The following PROM1 variants were observed in gnomAD, a reference collection of about 807,000 sequenced individuals.
PROM1 encodes the protein prominin 1.
Under a neutral mutation model 116.9 loss-of-function variants are expected in PROM1, and 105 were observed. The observed-to-expected ratio is 0.90, with a 90% confidence interval of 0.77 to 1.06. The LOEUF is 1.06. PROM1 is among the 50% of genes least tolerant of loss of function. The pLI, the probability that PROM1 is intolerant of heterozygous loss-of-function variation, is 0.00. For missense variants in PROM1, 1,122 were observed against 1,045.2 expected, an observed-to-expected ratio of 1.07 and a Z score of -1.01; for synonymous variants, 393 against 387.0, an observed-to-expected ratio of 1.02 and a Z score of -0.18.
In PROM1 at chr4:15,980,543, A is replaced by G. The variant is rs6449209; in HGVS notation, c.2374-6T>C. The stretch of plus-strand genomic sequence containing the variant: ...ATGCCAAACCAAAACAAATTCTAGG[A>G]AAAAAAAATCAGAAGAATTAAATGT... On this transcript the variant is annotated splice_region_variant and splice_polypyrimidine_tract_variant and intron_variant, in intron 23 of 27. Transcript: ENST00000447510. 0.39 allele frequency: 562,463 copies of G among 1,437,758 alleles called. 112,320 individuals carry two copies. The highest frequency in any genetic ancestry group is 0.42 in the Non-Finnish European group (442,161 of 1,063,810). The allele number at this position is 1,437,758 out of a possible 1,614,324, so 89.1% of individuals were successfully genotyped here. A position where few individuals can be genotyped will look rare whatever the true frequency, so the allele number is the denominator to read the frequency against.
chr4:16,049,413 T>G (rs1272365828), intron 2 of PROM1, among the ~76,000 whole-genome samples: 1 of 152,160 alleles, frequency 6.6e-6, no homozygotes, highest in Admixed American at 6.5e-5. Flanking sequence ...GGGGAAATGA[T>G]TTTCCTTATA....
intron 1 of PROM1, chr4:16,082,734 T>A (rs928980452): frequency 2.6e-5 from 4 of 152,238 alleles, no homozygotes; most frequent in African/African-American, 9.6e-5. Context: ...GCGGCCCCTG[T>A]TGGGCACCGA....
At chr4:16,052,209 G>A (rs1053343968) in intron 2 of PROM1, among the ~76,000 whole-genome samples, 3 of 151,934 alleles carry the variant, frequency 2.0e-5, no homozygotes, top group Admixed American at 6.5e-5. Context: ...AAGCCTCCTT[G>A]GCAACTGAAG....
At chr4:16,003,325 TCA>T (rs1318185114) in intron 13 of PROM1, 5 of 456,634 alleles carry the variant, frequency 1.1e-5, no homozygotes, top group South Asian at 3.1e-5. Context: ...GATGATTTCT[TCA>T]CAGTTTGGCT....
At chr4:15,987,829 G>A in intron 19 of PROM1, 113 bp from the exon 20 acceptor site, 1 of 808,892 alleles carries the variant, frequency 1.2e-6, no homozygotes, top group Non-Finnish European at 2.0e-6. Context: ...ACACTGTAAT[G>A]GTTTCATTCT....
At chr4:16,014,278 C>T (rs1727701839) in intron 10 of PROM1, among the ~76,000 whole-genome samples, 1 of 152,186 alleles carries the variant, frequency 6.6e-6, no homozygotes, top group Admixed American at 6.5e-5. Context: ...CCATGACTTC[C>T]GTTTCCTCCA....
At chr4:16,019,585 T>G (rs1015037595) in intron 8 of PROM1, among the ~76,000 whole-genome samples, 1 of 152,204 alleles carries the variant, frequency 6.6e-6, no homozygotes, top group East Asian at 1.9e-4. Flanking sequence ...ATCTGGATGA[T>G]GGAGCTACCT....
chr4:16,077,358 A>G (rs192075595), intron 1 of PROM1, among the ~76,000 whole-genome samples: 1 of 152,312 alleles, frequency 6.6e-6, no homozygotes, highest in Admixed American at 6.5e-5. Context: ...TCTATGATGC[A>G]GAAACCTTTG....
At chr4:15,984,385 G>C in intron 22 of PROM1, 30 bp from the exon 23 acceptor site, 1 of 1,461,782 alleles carries the variant, frequency 6.8e-7, no homozygotes, top group Non-Finnish European at 9.3e-7. Context: ...GGGAAACTTT[G>C]AGCTGCATCC....
intron 5 of PROM1, among the ~76,000 whole-genome samples, chr4:16,032,098 A>T (rs1237289393): frequency 1.3e-5 from 2 of 151,106 alleles, no homozygotes; most frequent in Admixed American, 6.6e-5. Flanking sequence ...ACCCTTTCAC[A>T]TCCCATCTGC....
chr4:16,002,313 A>G (rs1196488564), intron 13 of PROM1, among the ~76,000 whole-genome samples: 1 of 152,220 alleles, frequency 6.6e-6, no homozygotes, highest in Non-Finnish European at 1.5e-5. Flanking sequence ...CTAAGTTTGT[A>G]GGGATACCCA....
intron 5 of PROM1, among the ~76,000 whole-genome samples, chr4:16,027,963 A>G (rs1731742718): frequency 6.6e-6 from 1 of 152,208 alleles, no homozygotes; most frequent in South Asian, 2.1e-4. Flanking sequence ...TTTTAGACCT[A>G]CATTTCTACT....
At chr4:16,062,272 T>G (rs1468699720) in intron 2 of PROM1, among the ~76,000 whole-genome samples, 1 of 152,124 alleles carries the variant, frequency 6.6e-6, no homozygotes, top group Non-Finnish European at 1.5e-5. Flanking sequence ...AGTAACTAAT[T>G]TCATCTGCGA....
At chr4:16,083,458 G>A (rs937911776) in intron 1 of PROM1, 3 of 152,092 alleles carry the variant, frequency 2.0e-5, no homozygotes, top group Non-Finnish European at 1.5e-5. Flanking sequence ...TCTCCCCGCA[G>A]TTCCTCTGGC....
intron 5 of PROM1, among the ~76,000 whole-genome samples, chr4:16,031,913 T>C (rs933623070): frequency 3.3e-5 from 5 of 152,236 alleles, no homozygotes; most frequent in African/African-American, 1.2e-4. Flanking sequence ...TGTGAAGATT[T>C]TTTTTGTCAC....
chr4:16,062,798 T>C (rs1740644270), intron 2 of PROM1, among the ~76,000 whole-genome samples: 1 of 152,254 alleles, frequency 6.6e-6, no homozygotes, highest in African/African-American at 2.4e-5. Flanking sequence ...TTAAGTTCTT[T>C]ACTTAAAAAA....
chr4:16,024,614 A>T (rs1730767988), intron 6 of PROM1, among the ~76,000 whole-genome samples: 2 of 152,178 alleles, frequency 1.3e-5, no homozygotes, highest in African/African-American at 4.8e-5. Flanking sequence ...AATACAGAAG[A>T]AAGGGTACTT....
At chr4:16,022,119 G>A (rs1481168254) in intron 8 of PROM1, among the ~76,000 whole-genome samples, 1 of 142,666 alleles carries the variant, frequency 7.0e-6, no homozygotes, top group Non-Finnish European at 1.5e-5. Context: ...GGGAAGGAGG[G>A]AAGAAGGGAA....
intron 7 of PROM1, among the ~76,000 whole-genome samples, chr4:16,023,688 G>A (rs553368432): frequency 7.2e-5 from 11 of 152,192 alleles, no homozygotes; most frequent in Middle Eastern, 3.4e-3. Flanking sequence ...TAACCTCTTC[G>A]GCTAGACCAG....
Sources: allele counts gnomAD v4.1 joint callset (sites outside exome capture counted in the v4.1 genomes callset), GRCh38; gene constraint gnomAD v4.1.1; transcripts MANE v1.5; gene names NCBI Gene and HGNC (gene_info 2026-07-23, HGNC 2026-07-21).